NBPF12: variants seen among roughly 807,000 people sequenced by gnomAD.
NBPF12 encodes NBPF member 12.
A neutral mutation model predicts 146.4 loss-of-function variants in NBPF12; 115 were observed. The observed-to-expected ratio is 0.79, with a 90% CI of 0.68 to 0.92. The LOEUF (loss-of-function observed/expected upper bound fraction) is 0.92, where lower values mean the gene tolerates loss of function less well. NBPF12 is among the 40% of genes least tolerant of loss of function. The pLI, the probability that NBPF12 is intolerant of heterozygous loss-of-function variation, is 0.00. For synonymous variants in NBPF12, 385 were observed against 508.9 expected (o/e 0.76, Z 3.28); for missense variants, 1,205 against 1,326.8 (o/e 0.91, Z 1.43).
chr1:146,954,995 T>C (rs1404175685), intron 2 of NBPF12, among the ~76,000 whole-genome samples: 4 of 47,912 alleles, frequency 8.3e-5, no homozygotes, highest in Admixed American at 3.1e-4. Flanking sequence ...TATATATATA[T>C]ATATATATAT....
Position 146,994,416 on chromosome 1 carries a change from C to A in NBPF12, c.4215C>A (p.Tyr1405Ter), listed in dbSNP as rs1553890052. Residue 1405 changes from tyrosine (Y) to a stop codon, truncating the protein, a stop_gained, in exon 34 of 34, where the codon TAC (tyrosine) becomes TAA (stop). Transcript: ENST00000617844. LOFTEE classifies it high-confidence loss of function. ...GATGTTATTCGACTCCATCAATGTA[C>A]TTTGAACTACCTGACTCATTCCAGC... is the stretch of plus-strand genomic sequence containing the variant. 1.2e-6 allele frequency: 2 copies of A among 1,612,264 alleles called. No individual in the cohort carries two copies. Among genetic ancestry groups the A allele is most frequent in the Non-Finnish European group, 1.7e-6 (2 of 1,179,810 alleles).
chr1:146,963,046 A>C (rs1655963184), intron 5 of NBPF12, 49 bp from the exon 9 acceptor site: 1 of 1,609,348 alleles, frequency 6.2e-7, no homozygotes, highest in Admixed American at 1.7e-5. Context: ...ATTTGAACGG[A>C]TCACTCAACG....
chr1:146,938,397 A>C (rs1462406188), upstream of NBPF12, among the ~76,000 whole-genome samples: 2 of 151,874 alleles, frequency 1.3e-5, no homozygotes, highest in Non-Finnish European at 2.9e-5. Flanking sequence ...CAGGCTTCCG[A>C]GGGGGTGTGT....
At chr1:146,967,294 AG>A (rs1291830697) in intron 9 of NBPF12, among the ~76,000 whole-genome samples, 1 of 150,748 alleles carries the variant, frequency 6.6e-6, no homozygotes, top group Non-Finnish European at 1.5e-5. Context: ...CGAGGTCAGG[AG>A]TTTGAGACCA....
At chr1:146,966,566 A>C in exon 9 of NBPF12, 2 of 1,388,048 alleles carry the variant, frequency 1.4e-6, no homozygotes, top group East Asian at 4.6e-5. Flanking sequence ...ATCAATGAGA[A>C]GTTGCGCCCC....
chr1:146,967,548 C>G (rs1484487413), intron 9 of NBPF12, among the ~76,000 whole-genome samples: 5 of 149,644 alleles, frequency 3.3e-5, no homozygotes, highest in Non-Finnish European at 7.4e-5. Context: ...CAGAGAGTAG[C>G]TTGGTGAGAG....
At chr1:146,994,361 A>G (rs781869617) in exon 34 of NBPF12, 1 of 1,612,184 alleles carries the variant, frequency 6.2e-7, no homozygotes, top group Admixed American at 1.7e-5. Flanking sequence ...GAAGTGGAAG[A>G]GCCTGAAGTC....
At chr1:146,977,223 C>T (rs1239379962) in intron 17 of NBPF12, among the ~76,000 whole-genome samples, 36 of 132,936 alleles carry the variant, frequency 2.7e-4, no homozygotes, top group African/African-American at 1.0e-3. Flanking sequence ...GAGTCTTCAT[C>T]CTTCTCAGCT....
chr1:146,967,574 T>TG (rs1339992900), intron 9 of NBPF12, among the ~76,000 whole-genome samples: 38 of 150,164 alleles, frequency 2.5e-4, no homozygotes, highest in African/African-American at 8.7e-4. Flanking sequence ...TCCTGCTTCC[T>TG]GGGGCACAGA....
intron 25 of NBPF12, among the ~76,000 whole-genome samples, 188 bp from the exon 29 acceptor site, chr1:146,987,766 T>G (rs1267823651): frequency 6.6e-6 from 1 of 152,106 alleles, no homozygotes; most frequent in Admixed American, 6.5e-5. Flanking sequence ...TGTGTCTGTC[T>G]TTCTCTTTCA....
chr1:146,966,248 G>C (rs1656198967), intron 8 of NBPF12, among the ~76,000 whole-genome samples: 1 of 152,098 alleles, frequency 6.6e-6, no homozygotes, highest in African/African-American at 2.4e-5. Flanking sequence ...AGCAAGAAAA[G>C]TGTAGAAGTG....
intron 2 of NBPF12, among the ~76,000 whole-genome samples, chr1:146,953,624 A>G (rs1469827413): frequency 1.4e-5 from 2 of 142,442 alleles, no homozygotes; most frequent in Non-Finnish European, 3.0e-5. Flanking sequence ...AACTTTTTTC[A>G]TGATTTATAA....
Position 146,953,213 on chromosome 1 carries a change from TGTG to T in NBPF12, c.-184+1730_-184+1732del, listed in dbSNP as rs1451803771. Among the ~76,000 whole-genome samples, 24 of 128,888 alleles carry T rather than the reference TGTG, an allele frequency of 1.9e-4. 1 individual carries two copies. Among genetic ancestry groups the T allele is most frequent in the Non-Finnish European group, 3.5e-4 (22 of 62,268 alleles). 84.6% of individuals were successfully genotyped at this position (128,888 alleles called of 152,430 possible). A position where few individuals can be genotyped will look rare whatever the true frequency, so the allele number is the denominator to read the frequency against. On this transcript the variant is annotated intron_variant, in intron 2 of 33. Transcript: ENST00000617844. ...GGGATTTCCTTGAGAGGCAGGGACA[TGTG>T]GTGGTTACTAATCATTGTGAGGTGT...
At chr1:146,940,998 A>C (rs1411160635) in intron 1 of NBPF12, among the ~76,000 whole-genome samples, 1 of 151,864 alleles carries the variant, frequency 6.6e-6, no homozygotes, top group African/African-American at 2.4e-5. Context: ...CCTTTCTAGG[A>C]TATATATGGA....
chr1:146,962,279 G>T lies in NBPF12; in HGVS notation c.278+16G>T, dbSNP rs1203380803. 44 of 1,596,230 alleles carry T rather than the reference G, an allele frequency of 2.8e-5. No homozygotes were observed. Among genetic ancestry groups the T allele is most frequent in the African/African-American group, 9.4e-5 (7 of 74,532 alleles). On this transcript the variant is annotated intron_variant, in intron 5 of 33. Coordinates refer to ENST00000617844, the Ensembl canonical transcript of NBPF12. The stretch of plus-strand genomic sequence containing the variant: ...AGGAGCTCAGGTGAGGGGACCCCAT[G>T]GGGGGAGGCAGGCGGGTAGGTGTGT...
downstream of NBPF12, chr1:146,996,170 T>C (rs1371442330): frequency 7.8e-6 from 1 of 128,168 alleles, no homozygotes; most frequent in Non-Finnish European, 1.6e-5. Context: ...TGGGTACTGA[T>C]GTGAATTAAT....
chr1:146,980,903 G>A (rs1466001976), intron 19 of NBPF12, among the ~76,000 whole-genome samples: 5 of 135,934 alleles, frequency 3.7e-5, no homozygotes, highest in African/African-American at 1.1e-4. Flanking sequence ...ATGATAGACT[G>A]GATTAAGAAA....
At chr1:146,962,911 T>TAC (rs1655952822) in intron 5 of NBPF12, among the ~76,000 whole-genome samples, 184 bp from the exon 9 acceptor site, 14 of 151,264 alleles carry the variant, frequency 9.3e-5, no homozygotes, top group Non-Finnish European at 1.5e-4. Flanking sequence ...CCCTCTCTGA[T>TAC]AGAGGGAAAG....
chr1:146,956,173 G>T (rs1655578408), intron 2 of NBPF12, among the ~76,000 whole-genome samples: 1 of 151,726 alleles, frequency 6.6e-6, no homozygotes, highest in Non-Finnish European at 1.5e-5. Flanking sequence ...ACATGGTATA[G>T]CCACATGAAG....
Sources: allele counts gnomAD v4.1 joint callset (sites outside exome capture counted in the v4.1 genomes callset), GRCh38; gene constraint gnomAD v4.1.1; transcripts MANE v1.5; gene names NCBI Gene and HGNC (gene_info 2026-07-23, HGNC 2026-07-21).